Variants in ADAMTSL2 observed in about 807,000 individuals in gnomAD.
ADAMTSL2 encodes ADAMTS like 2.
Under a neutral mutation model 117.0 loss-of-function variants are expected in ADAMTSL2, and 55 were observed. The ratio of observed to expected loss-of-function variants is 0.47; its 90% confidence interval spans 0.38 to 0.59. The LOEUF (loss-of-function observed/expected upper bound fraction) is 0.59. Among genes scored for constraint, ADAMTSL2 ranks in the 20% least tolerant of loss-of-function variants. The pLI is 0.00. For missense variants in ADAMTSL2, 1,182 were observed against 1,354.5 expected (o/e 0.87, Z 2.00); for synonymous variants, 572 against 566.4 (o/e 1.01, Z -0.14).
intron 5 of ADAMTSL2, 71 bp from the exon 6 acceptor site, chr9:133,540,527 A>T: frequency 6.3e-7 from 1 of 1,576,062 alleles, no homozygotes; most frequent in Non-Finnish European, 8.6e-7. Context: ...CAGAGGGAGG[A>T]AAAGGGAAGT....
intron 5 of ADAMTSL2, 45 bp downstream of exon 5, chr9:133,539,918 C>G: frequency 6.5e-7 from 1 of 1,532,838 alleles, no homozygotes; most frequent in Non-Finnish European, 8.8e-7. Context: ...GCTGACTGAG[C>G]TTTGGGGGTA....
rs1218103114 is a variant in ADAMTSL2 at position 133,558,132 on chromosome 9, A to G, written c.1649+2202A>G. 6.6e-6 allele frequency among the ~76,000 whole-genome samples: 1 copy of G among 152,060 alleles called. No homozygotes were observed. The highest frequency in any genetic ancestry group is 2.4e-5 in the African/African-American group (1 of 41,388). On this transcript the variant is annotated intron_variant, in intron 11 of 18. Transcript: ENST00000651351. This position sits in a 1 kb window ranked among gnomAD's most constrained non-coding sequence, Gnocchi z 4.3. ...TAGCCCCCCGCCCCAGGATATATTG[A>G]ATTTCCAGGGCCTGTCAGGGGCCTC... is the stretch of plus-strand genomic sequence containing the variant.
intron 7 of ADAMTSL2, among the ~76,000 whole-genome samples, chr9:133,541,818 C>G (rs750743250): frequency 6.6e-6 from 1 of 152,196 alleles, no homozygotes; most frequent in Non-Finnish European, 1.5e-5. Context: ...CAGCCCTCAT[C>G]GGGGGTGGGC....
At chr9:133,556,955 G>C (rs1478758018) in intron 11 of ADAMTSL2, among the ~76,000 whole-genome samples, 2 of 152,232 alleles carry the variant, frequency 1.3e-5, no homozygotes, top group Non-Finnish European at 2.9e-5. Context: ...ACTTTAAACA[G>C]GCAGTGAGTG....
At position 133,550,517 on chromosome 9, in the gene ADAMTSL2, G is replaced by A. The variant is rs374227925; in HGVS notation, c.939+3304G>A. On this transcript the variant is annotated intron_variant, in intron 9 of 18. Coordinates refer to ENST00000651351, the MANE Select transcript of ADAMTSL2 (RefSeq NM_014694.4). ...TCAAATACTCTGTGAGCCTTTGGGC[G>A]TTGGGGCTGTGGCTGAGCTTCTGTG... Among the ~76,000 whole-genome samples the A allele has an allele frequency of 2.8e-4, 42 of 152,266 alleles. No individual in the cohort carries two copies. The East Asian group carries it at 5.8e-3, about 21-fold the overall frequency.
chr9:133,570,649 G>GCC, intron 17 of ADAMTSL2, 142 bp downstream of exon 17: 1 of 940,086 alleles, frequency 1.1e-6, no homozygotes, highest in Non-Finnish European at 1.6e-6. Flanking sequence ...TCCCGGGAAA[G>GCC]CTTCTCAACT....
At chr9:133,556,650 TGGGCAGCCATGTCTGG>T (rs1366933360) in intron 11 of ADAMTSL2, among the ~76,000 whole-genome samples, 28 of 152,298 alleles carry the variant, frequency 1.8e-4, no homozygotes, top group Admixed American at 4.6e-4. Context: ...TGGGTCTACA[TGGGCAGCCATGTCTGG>T]GGGCAGCCAT....
intron 11 of ADAMTSL2, among the ~76,000 whole-genome samples, chr9:133,556,562 A>G (rs1830609220): frequency 6.6e-6 from 1 of 152,210 alleles, no homozygotes; most frequent in Non-Finnish European, 1.5e-5. Flanking sequence ...AGGGATGAAG[A>G]ACAAGGCTGG....
At position 133,547,214 on chromosome 9, in the gene ADAMTSL2, G is replaced by A; in HGVS notation, c.939+1G>A. 1 of 1,612,992 alleles carries A rather than the reference G, an allele frequency of 6.2e-7. No homozygotes were observed. Among genetic ancestry groups the A allele is most frequent in the South Asian group, 1.1e-5 (1 of 91,052 alleles). ...CACCAACCAGGGCCTGAATGTCATG[G>A]TACGTGTGCCGCAGGCCTTGGGGGC... On this transcript the variant is annotated splice_donor_variant, in intron 9 of 18. Coordinates refer to ENST00000651351, the MANE Select transcript of ADAMTSL2 (RefSeq NM_014694.4). LOFTEE classifies it high-confidence loss of function.
rs1043246833 is a variant in ADAMTSL2 at position 133,568,648 on chromosome 9, C to T, written c.2134C>T (p.Arg712Cys). 26 of 1,613,028 alleles carry T rather than the reference C, an allele frequency of 1.6e-5. No homozygotes were observed. Among genetic ancestry groups the T allele is most frequent in the Non-Finnish European group, 2.0e-5 (24 of 1,179,954 alleles). Residue 712 changes from arginine (R) to cysteine (C), a missense_variant, in exon 15 of 19, where the codon CGC becomes TGC. Arg to Cys is a radical substitution (Grantham distance 180). This residue lies in a region of ADAMTSL2 where 465 missense variants were observed against 565.3 expected (regional missense o/e 0.82). Coordinates refer to ENST00000651351, the MANE Select transcript of ADAMTSL2 (RefSeq NM_014694.4). ...GCGCAGTGTGGTGACCAGGGACATC[C>T]GCTGCTCGGAGGATGAGAAGCTGTG... ...GERSVVTRDI[R>C]CSEDEKLCDP...
At chr9:133,538,460 C>T (rs373824262) in intron 4 of ADAMTSL2, 36 bp downstream of exon 4, 31 of 1,608,902 alleles carry the variant, frequency 1.9e-5, no homozygotes, top group Admixed American at 3.3e-5. Context: ...CCATGGCCTG[C>T]TCTCCCTGTC....
Position 133,561,145 on chromosome 9 carries a change from G to C in ADAMTSL2, c.1650-53G>C, listed in dbSNP as rs1262363088. ...TCCCTCGCCTGAAAAGCCGGAGCCT[G>C]CCGGTGGGGCCTGGAGCGTCTCATC... On this transcript the variant is annotated intron_variant, in intron 11 of 18. Transcript: ENST00000651351. 2.0e-5 allele frequency: 30 copies of C among 1,483,550 alleles called. No homozygotes were observed. In the South Asian group the frequency reaches 3.6e-4, roughly 18 times the overall value. The allele number at this position is 1,483,550 out of a possible 1,614,324, so 91.9% of individuals were successfully genotyped here.
rs956279235 is a variant in ADAMTSL2 at position 133,569,138 on chromosome 9, C to T, written c.2245-270C>T. Among the ~76,000 whole-genome samples the T allele has an allele frequency of 2.6e-5, 4 of 151,986 alleles. No homozygotes were observed. The South Asian group carries it at 6.3e-4, about 24-fold the overall frequency. On this transcript the variant is annotated intron_variant, in intron 15 of 18. Transcript: ENST00000651351. ...CTTTCCCTGTCTCTGTCTCTCTCAT[C>T]GAGAGAGATGCTCAGATGCTAGCTG...
At chr9:133,540,504 A>G (rs975967059) in intron 5 of ADAMTSL2, 94 bp from the exon 6 acceptor site, 19 of 1,520,828 alleles carry the variant, frequency 1.2e-5, no homozygotes, top group Non-Finnish European at 1.7e-5. Context: ...CATCTATGCA[A>G]TGGGAGCTGT....
Position 133,558,476 on chromosome 9 carries a change from C to T in ADAMTSL2, c.1649+2546C>T, listed in dbSNP as rs778965796. On this transcript the variant is annotated intron_variant, in intron 11 of 18. Coordinates refer to ENST00000651351, the MANE Select transcript of ADAMTSL2 (RefSeq NM_014694.4). This position sits in a 1 kb window ranked among gnomAD's most constrained non-coding sequence, Gnocchi z 4.3. Reference sequence around the variant, plus strand: ...GGGAGGGGCCCCTGTCACCAGACTCCGACTTTGGGAACAAGCTTCTGAGAC... The same window carrying T: ...GGGAGGGGCCCCTGTCACCAGACTCTGACTTTGGGAACAAGCTTCTGAGAC... Among the ~76,000 whole-genome samples the T allele has an allele frequency of 0.011, 1,632 of 152,338 alleles. 19 individuals are homozygous for T. The highest frequency in any genetic ancestry group is 0.012 in the Non-Finnish European group (832 of 68,038).
chr9:133,550,713 A>G (rs1830462058), intron 9 of ADAMTSL2, among the ~76,000 whole-genome samples: 1 of 152,092 alleles, frequency 6.6e-6, no homozygotes, highest in African/African-American at 2.4e-5. Context: ...GGAAGGAGCT[A>G]TGGTGGCTGT....
At position 133,537,388 on chromosome 9, in the gene ADAMTSL2, G is replaced by A; in HGVS notation, c.91-17G>A. ...GGCACTTGAGCCCTCTACCATCTGG[G>A]GGTCCCTCTCACCCAGGACAACAGC... On this transcript the variant is annotated splice_polypyrimidine_tract_variant and intron_variant, in intron 2 of 18. Coordinates refer to ENST00000651351, the MANE Select transcript of ADAMTSL2 (RefSeq NM_014694.4). 1.5e-6 allele frequency: 2 copies of A among 1,334,586 alleles called. No homozygotes were observed. Among genetic ancestry groups the A allele is most frequent in the Middle Eastern group, 4.0e-4 (2 of 4,994 alleles). 82.7% of individuals were successfully genotyped at this position (1,334,586 alleles called of 1,614,324 possible).
At chr9:133,561,651 G>A (rs1440275184) in intron 12 of ADAMTSL2, among the ~76,000 whole-genome samples, 4 of 152,200 alleles carry the variant, frequency 2.6e-5, no homozygotes, top group Non-Finnish European at 5.9e-5. Flanking sequence ...TTTTACTTTT[G>A]CTTCCAGCAA....
In ADAMTSL2 at chr9:133,555,613, C is replaced by T; in HGVS notation, c.1332C>T (p.Asp444=). 3.7e-6 allele frequency: 6 copies of T among 1,613,406 alleles called. No individual in the cohort carries two copies. The Admixed American group carries it at 1.0e-4, about 27-fold the overall frequency. Residue 444 remains aspartate, a synonymous_variant, in exon 11 of 19, where the codon GAC becomes GAT. Transcript: ENST00000651351. ...LTGDKDDEEV[D]THFASQEFFS... is the part of the protein sequence containing the mutation. ...GGGACAAGGATGACGAAGAGGTTGA[C>T]ACCCACTTCGCCTCCCAGGAGTTCT... is the stretch of plus-strand genomic sequence containing the variant.
Sources: gnomAD v4.1 joint callset for allele counts (sites outside exome capture counted in the v4.1 genomes callset) on GRCh38, gnomAD v4.1.1 for gene constraint, gnomAD v4.1.1 regional missense constraint, Gnocchi (gnomAD v3.1) non-coding constraint, MANE v1.5 for transcripts, NCBI Gene and HGNC (gene_info 2026-07-23, HGNC 2026-07-21) for gene names.